MBNL1: variants seen among roughly 807,000 people sequenced by gnomAD.
The protein encoded by MBNL1 is muscleblind-like protein 1.
A neutral mutation model predicts 42.2 loss-of-function variants in MBNL1; 8 were observed. The ratio of observed to expected loss-of-function variants is 0.19; its 90% CI spans 0.11 to 0.34. The LOEUF (loss-of-function observed/expected upper bound fraction) is 0.34. MBNL1 is among the 10% of genes least tolerant of loss of function. The probability of loss-of-function intolerance (pLI) is 1.00; values close to 1 mark genes in which losing one functional copy is unlikely to be tolerated. For missense variants in MBNL1, 309 were observed against 495.3 expected, an observed-to-expected ratio of 0.62 and a Z score of 3.57; for synonymous variants, 169 against 173.9, an observed-to-expected ratio of 0.97 and a Z score of 0.22.
upstream of MBNL1, chr3:152,265,309 C>T (rs569062609): frequency 4.6e-5 from 7 of 151,770 alleles, no homozygotes; most frequent in East Asian, 3.9e-4. Context: ...TTATTTTTAT[C>T]CTGGTATAAT....
chr3:152,443,899 A>G (rs939726835), intron 4 of MBNL1, among the ~76,000 whole-genome samples: 2 of 152,152 alleles, frequency 1.3e-5, no homozygotes, highest in Non-Finnish European at 2.9e-5. Flanking sequence ...ATCATTTATA[A>G]TGCTCTTTTT....
At chr3:152,379,591 T>C (rs185126768) in intron 2 of MBNL1, among the ~76,000 whole-genome samples, 148 of 152,318 alleles carry the variant, frequency 9.7e-4, no homozygotes, top group African/African-American at 2.9e-3. Context: ...ACTGACGTAA[T>C]ACTTTCTCCT....
intron 2 of MBNL1, among the ~76,000 whole-genome samples, chr3:152,413,144 T>C (rs2098628982): frequency 6.6e-6 from 1 of 152,216 alleles, no homozygotes; most frequent in South Asian, 2.1e-4. Flanking sequence ...CAAGACACTT[T>C]TAAGCTAATA....
intron 2 of MBNL1, among the ~76,000 whole-genome samples, chr3:152,408,254 T>G (rs956390682): frequency 2.6e-5 from 4 of 152,184 alleles, no homozygotes; most frequent in Non-Finnish European, 4.4e-5. Context: ...ATATATACTA[T>G]GTATATTTAC....
At chr3:152,345,281 C>T (rs2094053440) in intron 2 of MBNL1, among the ~76,000 whole-genome samples, 1 of 152,012 alleles carries the variant, frequency 6.6e-6, no homozygotes, top group Non-Finnish European at 1.5e-5. Context: ...TTTTCCCTGC[C>T]CTTATCCTGG....
At chr3:152,438,576 T>TA (rs1226433070) in intron 4 of MBNL1, among the ~76,000 whole-genome samples, 1 of 152,240 alleles carries the variant, frequency 6.6e-6, no homozygotes, top group Non-Finnish European at 1.5e-5. Flanking sequence ...TTTCATACTT[T>TA]AATGAGATTA....
chr3:152,324,474 C>CGAA (rs2078284434), intron 2 of MBNL1, among the ~76,000 whole-genome samples: 1 of 152,098 alleles, frequency 6.6e-6, no homozygotes, highest in Non-Finnish European at 1.5e-5. Context: ...AGACCTCTTC[C>CGAA]CAATTCCATG....
chr3:152,260,877 T>C (rs927879307), intron 2 of MBNL1, among the ~76,000 whole-genome samples: 2 of 152,182 alleles, frequency 1.3e-5, no homozygotes, highest in South Asian at 2.1e-4. Context: ...GCACCACCAG[T>C]TTAGCTATCC....
chr3:152,437,327 G>T (rs2099091572), intron 4 of MBNL1, among the ~76,000 whole-genome samples: 1 of 152,128 alleles, frequency 6.6e-6, no homozygotes, highest in African/African-American at 2.4e-5. Context: ...CAGCCTTCTG[G>T]TTCTTACATA....
chr3:152,382,395 A>C (rs2097214014), intron 2 of MBNL1, among the ~76,000 whole-genome samples: 1 of 152,090 alleles, frequency 6.6e-6, no homozygotes, highest in Non-Finnish European at 1.5e-5. Flanking sequence ...ATTTTTTTTA[A>C]AGGGACAAAA....
chr3:152,338,452 C>G, intron 2 of MBNL1: 4 of 985,378 alleles, frequency 4.1e-6, no homozygotes, highest in Non-Finnish European at 4.8e-6. Flanking sequence ...ATGTTGCCCT[C>G]TACACTTGCT....
At chr3:152,423,161 T>C (rs2098834937) in intron 3 of MBNL1, among the ~76,000 whole-genome samples, 1 of 152,184 alleles carries the variant, frequency 6.6e-6, no homozygotes, top group Admixed American at 6.5e-5. Flanking sequence ...GCAGCTGGTT[T>C]TTTGAAAAGA....
intron 2 of MBNL1, among the ~76,000 whole-genome samples, chr3:152,325,851 T>C (rs2079606689): frequency 6.6e-6 from 1 of 151,840 alleles, no homozygotes; most frequent in African/African-American, 2.4e-5. Context: ...AAAAAATTTA[T>C]GGCAATTTTT....
intron 2 of MBNL1, among the ~76,000 whole-genome samples, chr3:152,319,613 T>C (rs1162202392): frequency 3.3e-5 from 3 of 90,102 alleles, no homozygotes; most frequent in Non-Finnish European, 6.6e-5. Context: ...AGTTCTATAC[T>C]GTTTTTTTTT....
chr3:152,457,865 A>T (rs527784824), intron 8 of MBNL1: 139 of 388,306 alleles, frequency 3.6e-4, no homozygotes, highest in African/African-American at 2.6e-3. Context: ...GGGACACTTT[A>T]CTTTTTGCAT....
At chr3:152,282,297 G>A (rs945326801) in intron 1 of MBNL1, among the ~76,000 whole-genome samples, 6 of 152,096 alleles carry the variant, frequency 3.9e-5, no homozygotes, top group Middle Eastern at 3.4e-3. Context: ...TGATATCAAT[G>A]GATTTGAAAA....
intron 1 of MBNL1, among the ~76,000 whole-genome samples, chr3:152,289,706 A>G (rs551815088): frequency 3.9e-5 from 6 of 152,244 alleles, no homozygotes; most frequent in South Asian, 2.1e-4. Context: ...TTATTTGTTA[A>G]AAAGTAATCC....
intron 2 of MBNL1, among the ~76,000 whole-genome samples, chr3:152,246,162 TATGAGATATTTTGATATC>T (rs2032949945): frequency 6.6e-6 from 1 of 152,208 alleles, no homozygotes; most frequent in Non-Finnish European, 1.5e-5. Flanking sequence ...CAATTTTAAC[TATGAGATATTTTGATATC>T]ATGAGCTATT....
At chr3:152,253,719 C>T (rs1468998068) in intron 2 of MBNL1, among the ~76,000 whole-genome samples, 1 of 151,984 alleles carries the variant, frequency 6.6e-6, no homozygotes, top group Non-Finnish European at 1.5e-5. Context: ...TTCCACATGC[C>T]CTTCTCTTTT....
Sources: allele counts gnomAD v4.1 joint callset (sites outside exome capture counted in the v4.1 genomes callset), GRCh38; gene constraint gnomAD v4.1.1; transcripts MANE v1.5; gene names NCBI Gene and HGNC (gene_info 2026-07-23, HGNC 2026-07-21).